The following RBPMS variants were observed in gnomAD, a reference collection of about 807,000 sequenced individuals.
RBPMS encodes the protein RNA-binding protein with multiple splicing.
RBPMS carries 7 observed loss-of-function variants against 26.8 expected under a neutral mutation model. The ratio of observed to expected loss-of-function variants is 0.26; its 90% CI spans 0.15 to 0.49. The LOEUF is 0.49. RBPMS is among the 20% of genes least tolerant of loss of function. RBPMS has a pLI of 0.98. For synonymous variants in RBPMS, 96 were observed against 93.3 expected (o/e 1.03, Z -0.17); for missense variants, 186 against 250.0 (o/e 0.74, Z 1.73).
chr8:30,450,058 G>A (rs986491834), intron 1 of RBPMS, among the ~76,000 whole-genome samples: 2 of 152,228 alleles, frequency 1.3e-5, no homozygotes, highest in Admixed American at 1.3e-4. Flanking sequence ...ACGGCTCACA[G>A]ATGGAAGGCA....
Position 30,571,620 on chromosome 8 carries a change from T to G in RBPMS, c.*1095T>G, listed in dbSNP as rs1000780099. The G allele has an allele frequency of 6.6e-6, 1 of 152,270 alleles. No individual in the cohort carries two copies. The highest frequency in any genetic ancestry group is 1.9e-4 in the East Asian group (1 of 5,202). The allele number at this position is 152,270 out of a possible 1,614,324, so 9.4% of individuals were successfully genotyped here. On this transcript the variant is annotated 3_prime_UTR_variant, in exon 9 of 9. Transcript: ENST00000397323. ...TGGTGTTGCCAACTCTTGGCAGCAC[T>G]GGGCCAAACCGACCACATACCATGA...
At chr8:30,544,883 C>T (rs1825743553) in intron 6 of RBPMS, 1 of 1,494,086 alleles carries the variant, frequency 6.7e-7, no homozygotes, top group East Asian at 2.5e-5. Flanking sequence ...TCATATCGCA[C>T]ATGAGAGACC....
chr8:30,417,452 C>CA (rs1227542262), intron 1 of RBPMS, among the ~76,000 whole-genome samples: 39 of 151,360 alleles, frequency 2.6e-4, no homozygotes, highest in Non-Finnish European at 4.4e-4. Context: ...AGTTGCAAAC[C>CA]AAAAAAACAT....
intron 4 of RBPMS, among the ~76,000 whole-genome samples, chr8:30,485,419 A>G (rs529674281): frequency 3.9e-5 from 6 of 152,316 alleles, no homozygotes; most frequent in East Asian, 1.9e-4. Flanking sequence ...AAGAGGCCCA[A>G]TTAGTGAGAT....
chr8:30,517,075 CATAG>C (rs1822405310), intron 5 of RBPMS, among the ~76,000 whole-genome samples: 1 of 152,062 alleles, frequency 6.6e-6, no homozygotes, highest in African/African-American at 2.4e-5. Context: ...CAGATATACA[CATAG>C]ATATTGTATG....
rs555441039 is a variant in RBPMS, at chr8:30,466,618, G to A, written c.67-8161G>A. ...TTTTCTTTTTTTTTTTTTTTGAGAC[G>A]GAGTCTTGCTCTGTTGCCCAGGCTA... is the stretch of plus-strand genomic sequence containing the variant. On this transcript the variant is annotated intron_variant, in intron 1 of 8. Coordinates refer to ENST00000397323, the MANE Select transcript of RBPMS (RefSeq NM_001008710.3). Among the ~76,000 whole-genome samples the A allele has an allele frequency of 2.5e-3, 362 of 145,950 alleles. 1 individual carries two copies. The highest frequency in any genetic ancestry group is 8.9e-3 in the African/African-American group (349 of 39,316).
chr8:30,560,666 T>C (rs981879775), intron 7 of RBPMS, among the ~76,000 whole-genome samples: 1 of 152,220 alleles, frequency 6.6e-6, no homozygotes, highest in African/African-American at 2.4e-5. Flanking sequence ...CCAAGGTCAG[T>C]GAAACAAATT....
chr8:30,437,571 A>C (rs1563317573), intron 1 of RBPMS, among the ~76,000 whole-genome samples: 1 of 152,092 alleles, frequency 6.6e-6, no homozygotes. Flanking sequence ...CAGGTGGATC[A>C]CCTGAGGTCA....
chr8:30,545,075 T>C, intron 6 of RBPMS: 1 of 1,373,596 alleles, frequency 7.3e-7, no homozygotes, highest in Non-Finnish European at 9.5e-7. Flanking sequence ...GAAGAATCTC[T>C]GACCAAAGGG....
intron 1 of RBPMS, among the ~76,000 whole-genome samples, chr8:30,391,675 C>G (rs1439841902): frequency 2.0e-5 from 3 of 152,086 alleles, no homozygotes; most frequent in Admixed American, 2.0e-4. Flanking sequence ...TAAAGTGTAC[C>G]AGGAGAATAT....
intron 5 of RBPMS, among the ~76,000 whole-genome samples, chr8:30,517,204 G>GTGTGTA (rs1822422721): frequency 8.9e-6 from 1 of 112,714 alleles, no homozygotes; most frequent in African/African-American, 3.0e-5. Context: ...GTGTGTGTGT[G>GTGTGTA]TGTGTGTGTG....
intron 1 of RBPMS, among the ~76,000 whole-genome samples, chr8:30,390,805 C>T (rs1807708689): frequency 6.6e-6 from 1 of 152,160 alleles, no homozygotes; most frequent in African/African-American, 2.4e-5. Flanking sequence ...ATGTTCAACA[C>T]CTACCCCAGC....
intron 1 of RBPMS, among the ~76,000 whole-genome samples, chr8:30,449,414 C>T (rs886795989): frequency 2.7e-5 from 4 of 147,768 alleles, no homozygotes; most frequent in African/African-American, 7.5e-5. Context: ...ACTCTTGCCC[C>T]GGCTGGAGTG....
intron 4 of RBPMS, among the ~76,000 whole-genome samples, chr8:30,497,777 C>T (rs1820138306): frequency 6.6e-6 from 1 of 151,932 alleles, no homozygotes; most frequent in African/African-American, 2.4e-5. Flanking sequence ...CGCCCGCCAC[C>T]ACGCCTGGCT....
intron 7 of RBPMS, chr8:30,562,029 C>G: frequency 1.0e-6 from 1 of 985,310 alleles, no homozygotes; most frequent in Non-Finnish European, 1.2e-6. Context: ...CGAATAAGAT[C>G]CGAATAAGAA....
intron 5 of RBPMS, among the ~76,000 whole-genome samples, chr8:30,513,626 G>T (rs1016025390): frequency 1.4e-5 from 2 of 145,102 alleles, no homozygotes; most frequent in African/African-American, 2.6e-5. Context: ...TCAGGGACTC[G>T]AATCTCCTTG....
intron 5 of RBPMS, among the ~76,000 whole-genome samples, chr8:30,514,117 G>A (rs1011159776): frequency 1.3e-5 from 2 of 152,176 alleles, no homozygotes; most frequent in African/African-American, 4.8e-5. Context: ...AGTAAAAAGT[G>A]TGCAGCAGTA....
intron 7 of RBPMS, among the ~76,000 whole-genome samples, chr8:30,559,304 G>A (rs1695586764): frequency 6.6e-6 from 1 of 152,196 alleles, no homozygotes; most frequent in Admixed American, 6.5e-5. Context: ...AAAACCTTAA[G>A]TTGCAGGAAT....
intron 1 of RBPMS, among the ~76,000 whole-genome samples, chr8:30,428,065 C>T (rs910955016): frequency 2.8e-5 from 4 of 142,582 alleles, no homozygotes; most frequent in Non-Finnish European, 6.0e-5. Flanking sequence ...TACTCTGTCA[C>T]CAGGCTGGAA....
Sources: allele counts gnomAD v4.1 joint callset (sites outside exome capture counted in the v4.1 genomes callset), GRCh38; gene constraint gnomAD v4.1.1; transcripts MANE v1.5; gene names NCBI Gene and HGNC (gene_info 2026-07-23, HGNC 2026-07-21).